The following PLCE1 variants were observed in gnomAD, a reference collection of about 807,000 sequenced individuals.
PLCE1 encodes the protein 1-phosphatidylinositol 4,5-bisphosphate phosphodiesterase epsilon-1.
PLCE1 carries 119 observed loss-of-function variants against 242.8 expected under a neutral mutation model. That is an observed-to-expected ratio of 0.49 (90% CI 0.42 to 0.57). PLCE1 has a LOEUF of 0.57. Among genes scored for constraint, PLCE1 ranks in the 20% least tolerant of loss-of-function variants. The pLI is 0.00. For synonymous variants in PLCE1, 945 were observed against 1,017.4 expected, an observed-to-expected ratio of 0.93 and a Z score of 1.35; for missense variants, 2,441 against 2,788.8, an observed-to-expected ratio of 0.88 and a Z score of 2.81.
intron 3 of PLCE1, among the ~76,000 whole-genome samples, chr10:94,163,449 G>A (rs1590159999): frequency 6.6e-6 from 1 of 152,136 alleles, no homozygotes; most frequent in Non-Finnish European, 1.5e-5. Flanking sequence ...TTGGTCTAAA[G>A]TCTGTTTTAT....
chr10:94,209,007 A>G (rs1360279731), intron 4 of PLCE1, among the ~76,000 whole-genome samples: 1 of 152,240 alleles, frequency 6.6e-6, no homozygotes, highest in East Asian at 1.9e-4. Context: ...AGAACATTTA[A>G]GTGGATTTGA....
Position 93,997,640 on chromosome 10 carries a change from T to G in PLCE1, c.-365+3382T>G, listed in dbSNP as rs923716056. Among the ~76,000 whole-genome samples the G allele has an allele frequency of 8.1e-5, 12 of 148,362 alleles. No homozygotes were observed. The East Asian group carries it at 2.4e-3, about 29-fold the overall frequency. ...CAAAACAAATAACCATCCTTTTTTT[T>G]TTTTTTTTTTTTTTTTTGGTTAGGT... is the stretch of plus-strand genomic sequence containing the variant. On this transcript the variant is annotated intron_variant, in intron 1 of 32. Coordinates refer to ENST00000371380, the MANE Select transcript of PLCE1 (RefSeq NM_016341.4).
At chr10:93,996,243 A>G (rs1361733196) in intron 1 of PLCE1, among the ~76,000 whole-genome samples, 4 of 152,244 alleles carry the variant, frequency 2.6e-5, no homozygotes, top group Admixed American at 2.6e-4. Context: ...GTGGAAGAAC[A>G]ATAAAACAGA....
At chr10:94,319,864 CTTTTT>C (rs58610099) in intron 29 of PLCE1, among the ~76,000 whole-genome samples, 2,424 of 92,838 alleles carry the variant, frequency 0.026, 24 homozygotes, top group South Asian at 0.056. Flanking sequence ...CAAAGGTGCT[CTTTTT>C]TTTTTTTTTT....
At chr10:94,243,383 C>A (rs2050575152) in intron 7 of PLCE1, among the ~76,000 whole-genome samples, 1 of 152,036 alleles carries the variant, frequency 6.6e-6, no homozygotes, top group African/African-American at 2.4e-5. Context: ...CTAAAGAGAC[C>A]TGACAAGTAA....
chr10:94,326,701 G>A (rs1406419211), intron 32 of PLCE1, among the ~76,000 whole-genome samples: 1 of 152,204 alleles, frequency 6.6e-6, no homozygotes, highest in African/African-American at 2.4e-5. Context: ...GGAGACTGGG[G>A]GAGGGTGATT....
intron 4 of PLCE1, among the ~76,000 whole-genome samples, chr10:94,208,010 C>T (rs1435372711): frequency 6.6e-6 from 1 of 152,070 alleles, no homozygotes; most frequent in Non-Finnish European, 1.5e-5. Flanking sequence ...ATATAAATCA[C>T]CATTTGGTAG....
At chr10:94,025,033 G>A (rs1019061369) in intron 1 of PLCE1, among the ~76,000 whole-genome samples, 9 of 151,918 alleles carry the variant, frequency 5.9e-5, no homozygotes, top group Admixed American at 2.6e-4. Context: ...CCTAAGTCCC[G>A]GAAACAGGCA....
At chr10:94,004,974 T>A (rs1021151180) in intron 1 of PLCE1, among the ~76,000 whole-genome samples, 3 of 152,234 alleles carry the variant, frequency 2.0e-5, no homozygotes, top group African/African-American at 7.2e-5. Context: ...AGGAATCATT[T>A]GTAAGTTGTA....
chr10:94,222,902 G>A (rs1023421917), intron 4 of PLCE1, among the ~76,000 whole-genome samples: 1 of 152,148 alleles, frequency 6.6e-6, no homozygotes, highest in Non-Finnish European at 1.5e-5. Flanking sequence ...GGAAGCGTGG[G>A]TTTACAAGGG....
At chr10:94,322,924 T>A (rs1367775928) in intron 30 of PLCE1, among the ~76,000 whole-genome samples, 1 of 152,042 alleles carries the variant, frequency 6.6e-6, no homozygotes, top group Non-Finnish European at 1.5e-5. Context: ...GCCACTTTAC[T>A]CCAGCCTGGG....
chr10:94,288,804 G>A (rs976545849), intron 22 of PLCE1, among the ~76,000 whole-genome samples: 1 of 152,170 alleles, frequency 6.6e-6, no homozygotes, highest in African/African-American at 2.4e-5. Flanking sequence ...GCAAGTGTCA[G>A]TCCATTCCCT....
intron 3 of PLCE1, chr10:94,138,501 T>C (rs1288183831): frequency 8.6e-6 from 4 of 465,390 alleles, no homozygotes; most frequent in African/African-American, 8.1e-5. Flanking sequence ...ATGTCCGTAG[T>C]AATGGAGATG....
At chr10:94,157,337 T>C (rs1281235071) in intron 3 of PLCE1, among the ~76,000 whole-genome samples, 1 of 152,198 alleles carries the variant, frequency 6.6e-6, no homozygotes, top group Admixed American at 6.5e-5. Context: ...GAATGTGTAG[T>C]AAACATTACA....
At chr10:94,170,477 C>T (rs534004214) in intron 3 of PLCE1, among the ~76,000 whole-genome samples, 2 of 152,346 alleles carry the variant, frequency 1.3e-5, no homozygotes, top group African/African-American at 4.8e-5. Context: ...CATGAACTGC[C>T]ACCTTCTCTC....
intron 2 of PLCE1, chr10:94,088,350 C>G (rs545712764): frequency 1.3e-5 from 2 of 152,364 alleles, no homozygotes; most frequent in South Asian, 4.1e-4. Context: ...CCACTAGTCT[C>G]AAGCTAACCT....
intron 4 of PLCE1, among the ~76,000 whole-genome samples, chr10:94,197,345 T>A (rs1424345338): frequency 6.6e-6 from 1 of 152,218 alleles, no homozygotes; most frequent in Non-Finnish European, 1.5e-5. Flanking sequence ...CTTGAGTATG[T>A]ACCTAGGAGT....
chr10:94,268,752 C>T (rs1180104736), intron 16 of PLCE1, among the ~76,000 whole-genome samples, 177 bp from the exon 17 acceptor site: 1 of 152,200 alleles, frequency 6.6e-6, no homozygotes, highest in Non-Finnish European at 1.5e-5. Flanking sequence ...CTTCCTTCCC[C>T]ACTCTGGATT....
rs1414384579 is a variant in PLCE1 at position 94,065,762 on chromosome 10, A to G, written c.1206+33510A>G. Among the ~76,000 whole-genome samples, 4 of 152,196 alleles carry G rather than the reference A, an allele frequency of 2.6e-5. No individual in the cohort carries two copies. The East Asian group carries it at 7.7e-4, about 29-fold the overall frequency. ...CACAGCGTCAGGGAGGAGTAGGACC[A>G]TTGGCTGTTAGAGGGCAGCAGGGAC... On this transcript the variant is annotated intron_variant, in intron 2 of 32. Transcript: ENST00000371380.
Sources: gnomAD v4.1 joint callset for allele counts (sites outside exome capture counted in the v4.1 genomes callset) on GRCh38, gnomAD v4.1.1 for gene constraint, MANE v1.5 for transcripts, NCBI Gene and HGNC (gene_info 2026-07-23, HGNC 2026-07-21) for gene names.